The following CSTL1 variants were observed in gnomAD, a reference collection of about 807,000 sequenced individuals.
The protein encoded by CSTL1 is cystatin like 1.
CSTL1 carries 14 observed loss-of-function variants against 14.4 expected under a neutral mutation model. The ratio of observed to expected loss-of-function variants is 0.97; its 90% CI spans 0.64 to 1.52. The LOEUF is 1.52. Ranked by LOEUF, CSTL1 falls within the 40% of genes most tolerant of loss-of-function variation. CSTL1 has a pLI of 0.00. For missense variants in CSTL1, 170 were observed against 168.7 expected, an observed-to-expected ratio of 1.01 and a Z score of -0.04; for synonymous variants, 72 against 67.5, an observed-to-expected ratio of 1.07 and a Z score of -0.33.
At chr20:23,451,820 T>C in the CSTL1 span, 5 of 1,613,424 alleles carry the variant, frequency 3.1e-6, no homozygotes, top group Non-Finnish European at 4.2e-6. Context: ...CAATACCTTG[T>C]GAAGCTCCCT....
At chr20:23,449,370 G>A (rs1348552347), downstream of CSTL1, among the ~76,000 whole-genome samples, 1 of 152,042 alleles carries the variant, frequency 6.6e-6, no homozygotes, top group Non-Finnish European at 1.5e-5. Flanking sequence ...TCCCCGCAGG[G>A]AAATGAATGC....
chr20:23,449,389 C>T (rs990596837), downstream of CSTL1, among the ~76,000 whole-genome samples: 4 of 151,882 alleles, frequency 2.6e-5, no homozygotes, highest in Admixed American at 6.6e-5. Context: ...GCTGTAATGC[C>T]GTGTGTATGT....
the CSTL1 span, chr20:23,450,364 T>C: frequency 5.2e-6 from 3 of 573,370 alleles, no homozygotes; most frequent in Non-Finnish European, 8.7e-6. Context: ...GCTGAAGAAT[T>C]TGGATAAAAA....
At chr20:23,456,150 G>A in the CSTL1 span, among the ~76,000 whole-genome samples, 1 of 152,216 alleles carries the variant, frequency 6.6e-6, no homozygotes, top group East Asian at 1.9e-4. Flanking sequence ...TGTCATCATG[G>A]TGTGGCTTTG....
chr20:23,444,556 C>T (rs1986924078), intron 3 of CSTL1, among the ~76,000 whole-genome samples: 1 of 152,302 alleles, frequency 6.6e-6, no homozygotes, highest in Admixed American at 6.5e-5. Flanking sequence ...GGTTCACCTG[C>T]TGTGGGTCCC....
At chr20:23,448,641 G>A (rs1039193471), downstream of CSTL1, among the ~76,000 whole-genome samples, 14 of 152,172 alleles carry the variant, frequency 9.2e-5, no homozygotes, top group Non-Finnish European at 1.6e-4. Context: ...CCCCCACAAC[G>A]TTGGCTGAGA....
At chr20:23,457,107 G>A in the CSTL1 span, among the ~76,000 whole-genome samples, 15 of 152,154 alleles carry the variant, frequency 9.9e-5, no homozygotes, top group East Asian at 1.9e-4. Flanking sequence ...TCCGGCTGCC[G>A]GTTGCTCTTG....
downstream of CSTL1, among the ~76,000 whole-genome samples, chr20:23,445,527 G>A (rs1011670908): frequency 6.6e-6 from 1 of 152,152 alleles, no homozygotes; most frequent in African/African-American, 2.4e-5. Context: ...CCAAAGTGTT[G>A]GGATTATAGG....
the CSTL1 span, chr20:23,450,476 C>G: frequency 5.5e-6 from 8 of 1,456,290 alleles, no homozygotes; most frequent in Non-Finnish European, 9.5e-7. Flanking sequence ...CTCTCACATG[C>G]AGTGGCCGCA....
intron 3 of CSTL1, 51 bp downstream of exon 3, chr20:23,444,095 A>G: frequency 6.5e-7 from 1 of 1,527,166 alleles, no homozygotes. Flanking sequence ...ATATTTTAAA[A>G]AGCAACAGCT....
the CSTL1 span, chr20:23,452,966 G>A: frequency 4.9e-6 from 3 of 614,322 alleles, no homozygotes; most frequent in Admixed American, 2.9e-5. Context: ...ATCAGCAGCT[G>A]AACTCGAGGG....
At chr20:23,441,626 T>C (rs765449687) in intron 2 of CSTL1, among the ~76,000 whole-genome samples, 2 of 152,190 alleles carry the variant, frequency 1.3e-5, no homozygotes, top group Non-Finnish European at 2.9e-5. Flanking sequence ...ACAGTGTAAA[T>C]GCTATGTAGA....
the CSTL1 span, chr20:23,450,576 A>C: frequency 6.2e-7 from 1 of 1,609,100 alleles, no homozygotes; most frequent in Non-Finnish European, 8.5e-7. Flanking sequence ...CACTGAGAAG[A>C]AGCAGTTGAC....
At chr20:23,455,815 G>C in the CSTL1 span, among the ~76,000 whole-genome samples, 1 of 152,242 alleles carries the variant, frequency 6.6e-6, no homozygotes, top group Non-Finnish European at 1.5e-5. Context: ...CTCGTCAGTG[G>C]CCCGTGGGTT....
downstream of CSTL1, among the ~76,000 whole-genome samples, chr20:23,447,980 A>G (rs1987001575): frequency 6.6e-6 from 1 of 151,886 alleles, no homozygotes. Context: ...TAATTGTACT[A>G]TTTCTATCTT....
the CSTL1 span, among the ~76,000 whole-genome samples, chr20:23,455,231 A>G: frequency 6.6e-6 from 1 of 152,198 alleles, no homozygotes; most frequent in African/African-American, 2.4e-5. Context: ...TCTTGTTTAT[A>G]TAAATAAGAG....
intron 2 of CSTL1, among the ~76,000 whole-genome samples, chr20:23,443,600 A>C (rs1986889437): frequency 6.6e-6 from 1 of 152,198 alleles, no homozygotes; most frequent in Admixed American, 6.5e-5. Context: ...GCTCTGTTGC[A>C]TTTTGAAGGC....
At chr20:23,453,874 AC>A in the CSTL1 span, among the ~76,000 whole-genome samples, 1 of 151,972 alleles carries the variant, frequency 6.6e-6, no homozygotes, top group East Asian at 1.9e-4. Flanking sequence ...CCACATTCAC[AC>A]CCGAACACAC....
chr20:23,446,391 G>A (rs1986967976), downstream of CSTL1, among the ~76,000 whole-genome samples: 1 of 152,150 alleles, frequency 6.6e-6, no homozygotes, highest in Non-Finnish European at 1.5e-5. Context: ...TAGTAGCTGG[G>A]ACTACAGGCG....
Sources: allele counts gnomAD v4.1 joint callset (sites outside exome capture counted in the v4.1 genomes callset), GRCh38; gene constraint gnomAD v4.1.1; transcripts MANE v1.5; gene names NCBI Gene and HGNC (gene_info 2026-07-23, HGNC 2026-07-21).